ZNF423: variants seen among roughly 807,000 people sequenced by gnomAD.
ZNF423 encodes the protein Ebf-associated zinc finger protein.
ZNF423 carries 12 observed loss-of-function variants against 95.8 expected under a neutral mutation model. That is an observed-to-expected ratio of 0.13 (90% CI 0.08 to 0.20). The LOEUF (loss-of-function observed/expected upper bound fraction) is 0.20. ZNF423 is among the 10% of genes least tolerant of loss of function. ZNF423 has a pLI of 1.00. For missense variants in ZNF423, 1,316 were observed against 1,737.1 expected (o/e 0.76, Z 4.31); for synonymous variants, 749 against 711.9 (o/e 1.05, Z -0.83).
rs1208395299 is a variant in ZNF423 at position 49,604,248 on chromosome 16, C to A, written c.3601+21922G>T. Among the ~76,000 whole-genome samples the A allele has an allele frequency of 4.6e-5, 7 of 152,334 alleles. No individual in the cohort carries two copies. In the South Asian group the frequency reaches 1.4e-3, roughly 32 times the overall value. On this transcript the variant is annotated intron_variant, in intron 5 of 7. Transcript: ENST00000563137. ...CCACTGACATTTCATCACATCTGAC[C>A]AGCCACCTGTGAGAGAGTGCCCTCA...
intron 3 of ZNF423, among the ~76,000 whole-genome samples, chr16:49,674,787 C>A (rs1164682757): frequency 2.0e-5 from 3 of 152,088 alleles, no homozygotes; most frequent in Non-Finnish European, 4.4e-5. Flanking sequence ...GGGGACTCTG[C>A]GGTCTGAGTG....
At chr16:49,573,086 G>C (rs773639879) in intron 5 of ZNF423, among the ~76,000 whole-genome samples, 4 of 152,158 alleles carry the variant, frequency 2.6e-5, no homozygotes, top group Non-Finnish European at 5.9e-5. Flanking sequence ...TTAAATATTT[G>C]GATGGATATA....
At chr16:49,525,021 G>C (rs998176422) in intron 6 of ZNF423, among the ~76,000 whole-genome samples, 1 of 152,226 alleles carries the variant, frequency 6.6e-6, no homozygotes, top group African/African-American at 2.4e-5. Flanking sequence ...AAGGCTCGGG[G>C]AGACAAACAC....
intron 2 of ZNF423, among the ~76,000 whole-genome samples, chr16:49,770,204 G>GAATA (rs1264689401): frequency 6.8e-5 from 1 of 14,704 alleles, no homozygotes; most frequent in Non-Finnish European, 9.7e-5. Flanking sequence ...AAGAATGAAC[G>GAATA]AATGAATGAA....
chr16:49,839,871 C>A (rs1372894840), intron 1 of ZNF423, among the ~76,000 whole-genome samples: 1 of 152,200 alleles, frequency 6.6e-6, no homozygotes, highest in Non-Finnish European at 1.5e-5. Context: ...ATGAAGCAGC[C>A]CCCTTCACCA....
At chr16:49,737,808 A>T (rs1237219878) in intron 2 of ZNF423, among the ~76,000 whole-genome samples, 2 of 152,248 alleles carry the variant, frequency 1.3e-5, no homozygotes, top group African/African-American at 4.8e-5. Flanking sequence ...GAAAAGGGTC[A>T]GCCAATGTCG....
At chr16:49,491,797 C>T (rs1031346730) in intron 7 of ZNF423, among the ~76,000 whole-genome samples, 1 of 152,262 alleles carries the variant, frequency 6.6e-6, no homozygotes, top group African/African-American at 2.4e-5. Context: ...TGCAGCTCTC[C>T]GGCCAAGAAA....
chr16:49,661,822 T>C (rs1172656201), intron 3 of ZNF423, among the ~76,000 whole-genome samples: 1 of 152,138 alleles, frequency 6.6e-6, no homozygotes, highest in East Asian at 1.9e-4. Context: ...TCCGTTCAAA[T>C]CTCAGCTCTA....
intron 1 of ZNF423, among the ~76,000 whole-genome samples, chr16:49,810,068 T>C (rs1176426191): frequency 6.6e-6 from 1 of 152,128 alleles, no homozygotes; most frequent in Admixed American, 6.5e-5. Flanking sequence ...ATATGCACAC[T>C]GAAGGCTTGG....
chr16:49,674,812 G>T (rs535784776), intron 3 of ZNF423, among the ~76,000 whole-genome samples: 64 of 152,282 alleles, frequency 4.2e-4, no homozygotes, highest in East Asian at 3.7e-3. Flanking sequence ...TTTCTTCGGT[G>T]ACTACAGTTT....
At chr16:49,739,690 TGTTTG>T (rs2033371880) in intron 2 of ZNF423, among the ~76,000 whole-genome samples, 1 of 123,372 alleles carries the variant, frequency 8.1e-6, no homozygotes, top group Non-Finnish European at 1.6e-5. Flanking sequence ...TTTTTGTTTT[TGTTTG>T]GTTTTTTTTT....
At chr16:49,612,783 A>G (rs925752159) in intron 5 of ZNF423, among the ~76,000 whole-genome samples, 5 of 152,204 alleles carry the variant, frequency 3.3e-5, no homozygotes, top group Admixed American at 6.5e-5. Flanking sequence ...TGAAAATCCC[A>G]TAGAATCTAC....
intron 1 of ZNF423, among the ~76,000 whole-genome samples, chr16:49,829,866 C>A (rs1057298370): frequency 6.6e-6 from 1 of 152,104 alleles, no homozygotes; most frequent in African/African-American, 2.4e-5. Flanking sequence ...GGGGGACAAG[C>A]GGCTCCTTCA....
At chr16:49,667,450 A>G (rs1489116280) in intron 3 of ZNF423, among the ~76,000 whole-genome samples, 1 of 152,280 alleles carries the variant, frequency 6.6e-6, no homozygotes, top group South Asian at 2.1e-4. Context: ...GGGTAAAAAG[A>G]GGAACCAACT....
chr16:49,583,734 T>C (rs1459626612), intron 5 of ZNF423, among the ~76,000 whole-genome samples: 1 of 152,204 alleles, frequency 6.6e-6, no homozygotes, highest in Non-Finnish European at 1.5e-5. Context: ...AAGTGTGACA[T>C]AGTGCTAATG....
At chr16:49,555,948 C>T (rs888936700) in intron 5 of ZNF423, among the ~76,000 whole-genome samples, 11 of 152,106 alleles carry the variant, frequency 7.2e-5, no homozygotes, top group African/African-American at 2.7e-4. Context: ...CTTTCCTTAA[C>T]CCAATGCCTC....
intron 5 of ZNF423, among the ~76,000 whole-genome samples, chr16:49,584,713 G>C (rs906764220): frequency 7.2e-5 from 11 of 152,278 alleles, no homozygotes; most frequent in Admixed American, 2.0e-4. Context: ...ATGCATCCCT[G>C]ATGTCTCTCT....
intron 5 of ZNF423, among the ~76,000 whole-genome samples, chr16:49,530,314 G>A (rs1038520581): frequency 3.2e-4 from 49 of 151,980 alleles, no homozygotes; most frequent in African/African-American, 1.2e-3. Context: ...GGCCTTACTC[G>A]AGACCCCCAT....
intron 1 of ZNF423, among the ~76,000 whole-genome samples, chr16:49,825,627 G>C (rs1415894880): frequency 6.6e-6 from 1 of 151,178 alleles, no homozygotes; most frequent in East Asian, 1.9e-4. Flanking sequence ...GCAGCCATCA[G>C]CAAGAAAAAA....
Sources: allele counts gnomAD v4.1 joint callset (sites outside exome capture counted in the v4.1 genomes callset), GRCh38; gene constraint gnomAD v4.1.1; transcripts MANE v1.5; gene names NCBI Gene and HGNC (gene_info 2026-07-23, HGNC 2026-07-21).